Variants in ARMC8 observed in about 807,000 individuals in gnomAD.
ARMC8 encodes the protein armadillo repeat containing 8, also known as armadillo repeat-containing protein 8.
A neutral mutation model predicts 99.3 loss-of-function variants in ARMC8; 20 were observed. The observed-to-expected ratio is 0.20, with a 90% CI of 0.14 to 0.29. The LOEUF (loss-of-function observed/expected upper bound fraction) is 0.29. ARMC8 is among the 10% of genes least tolerant of loss of function. The pLI, the probability that ARMC8 is intolerant of heterozygous loss-of-function variation, is 1.00. For missense variants in ARMC8, 569 were observed against 809.5 expected, an observed-to-expected ratio of 0.70 and a Z score of 3.60; for synonymous variants, 263 against 278.3, an observed-to-expected ratio of 0.95 and a Z score of 0.55.
At chr3:138,245,867 A>G in intron 12 of ARMC8, 1 of 985,580 alleles carries the variant, frequency 1.0e-6, no homozygotes, top group Non-Finnish European at 1.2e-6. Context: ...CAAACCAAAA[A>G]GCTGGAACTT....
intron 21 of ARMC8, among the ~76,000 whole-genome samples, chr3:138,292,580 TAGG>T (rs557727298): frequency 1.3e-5 from 2 of 152,192 alleles, no homozygotes; most frequent in South Asian, 4.2e-4. Flanking sequence ...GGAAAATGTC[TAGG>T]GTTTTAGCCT....
intron 1 of ARMC8, among the ~76,000 whole-genome samples, chr3:138,207,407 G>C (rs1358321213): frequency 6.6e-6 from 1 of 152,084 alleles, no homozygotes; most frequent in Non-Finnish European, 1.5e-5. Flanking sequence ...TTTCCTCAGT[G>C]CATGTTATAT....
intron 17 of ARMC8, among the ~76,000 whole-genome samples, chr3:138,273,826 T>TC (rs1256466192): frequency 6.6e-6 from 1 of 152,068 alleles, no homozygotes; most frequent in Non-Finnish European, 1.5e-5. Context: ...TCCCCCTTTT[T>TC]TTTTTTTTGA....
chr3:138,262,949 A>G (rs1370569235), intron 12 of ARMC8, among the ~76,000 whole-genome samples: 2 of 152,230 alleles, frequency 1.3e-5, no homozygotes, highest in Non-Finnish European at 2.9e-5. Context: ...AATAATGCCT[A>G]CAGAAGAGTG....
rs1391738170 is a variant in ARMC8, at chr3:138,246,760, A to G, written c.1134+1577A>G. ...ATATCATGTTCTAGAAATACCTGCAACATGACAGTCTAATCAGTAGTCTAT... is the reference window on the plus strand; with the variant it reads ...ATATCATGTTCTAGAAATACCTGCAGCATGACAGTCTAATCAGTAGTCTAT... On this transcript the variant is annotated intron_variant, in intron 12 of 21. Transcript: ENST00000469044. 7.1e-6 allele frequency: 7 copies of G among 985,284 alleles called. No individual in the cohort carries two copies. In the African/African-American group the frequency reaches 1.0e-4, roughly 15 times the overall value. 61.0% of individuals were successfully genotyped at this position (985,284 alleles called of 1,614,324 possible).
At chr3:138,205,273 TCTC>T (rs1379395308) in intron 1 of ARMC8, among the ~76,000 whole-genome samples, 1 of 151,536 alleles carries the variant, frequency 6.6e-6, no homozygotes, top group East Asian at 2.0e-4. Context: ...CTGGTCTCGA[TCTC>T]CTGACCTCGT....
At chr3:138,234,340 A>G (rs1366481768) in intron 6 of ARMC8, among the ~76,000 whole-genome samples, 2 of 152,126 alleles carry the variant, frequency 1.3e-5, no homozygotes, top group African/African-American at 2.4e-5. Context: ...TTGATCTCCC[A>G]ACCTCCTGAT....
At chr3:138,259,408 G>A (rs1261054822) in intron 12 of ARMC8, among the ~76,000 whole-genome samples, 2 of 152,150 alleles carry the variant, frequency 1.3e-5, no homozygotes, top group African/African-American at 4.8e-5. Context: ...TACACAGACG[G>A]TCTCCATGCC....
chr3:138,295,490 A>G (rs572892629), intron 21 of ARMC8, among the ~76,000 whole-genome samples: 1 of 152,210 alleles, frequency 6.6e-6, no homozygotes, highest in East Asian at 1.9e-4. Context: ...CTCACTGCAT[A>G]AAACCTACAT....
At chr3:138,204,738 A>T (rs956584533) in intron 1 of ARMC8, among the ~76,000 whole-genome samples, 1 of 152,100 alleles carries the variant, frequency 6.6e-6, no homozygotes, top group African/African-American at 2.4e-5. Flanking sequence ...GACATCCTGG[A>T]TTTCTTCACT....
intron 6 of ARMC8, among the ~76,000 whole-genome samples, chr3:138,230,830 A>G (rs754314203): frequency 6.6e-6 from 1 of 152,230 alleles, no homozygotes; most frequent in African/African-American, 2.4e-5. Context: ...AGTTACCTAA[A>G]TAGCTTTCAG....
rs115974593 is a variant in ARMC8 at position 138,206,873 on chromosome 3, G to A, written c.46-2944G>A. 8.1e-3 allele frequency among the ~76,000 whole-genome samples: 1,237 copies of A among 152,244 alleles called. 19 individuals are homozygous for A. Among genetic ancestry groups the A allele is most frequent in the African/African-American group, 0.028 (1,156 of 41,514 alleles). ...GAGCAACTTATATGATTATTTTTGC[G>A]TATACATAACAATTTCAGATACTAA... On this transcript the variant is annotated intron_variant, in intron 1 of 21. Coordinates refer to ENST00000469044, the MANE Select transcript of ARMC8 (RefSeq NM_001363941.2).
At chr3:138,238,758 G>A (rs2046459621) in intron 9 of ARMC8, 1 of 152,116 alleles carries the variant, frequency 6.6e-6, no homozygotes, top group South Asian at 2.1e-4. Flanking sequence ...ATAACTTTCG[G>A]TAGAAGCCAA....
At chr3:138,291,543 CT>C (rs1265320229) in intron 21 of ARMC8, among the ~76,000 whole-genome samples, 1 of 152,170 alleles carries the variant, frequency 6.6e-6, no homozygotes, top group Non-Finnish European at 1.5e-5. Flanking sequence ...CCTCGTGTAA[CT>C]TACATTCTAG....
At chr3:138,203,002 T>TCC (rs2044164648) in intron 1 of ARMC8, among the ~76,000 whole-genome samples, 1 of 152,172 alleles carries the variant, frequency 6.6e-6, no homozygotes, top group African/African-American at 2.4e-5. Flanking sequence ...TTCACCATAG[T>TCC]CATGGGTAGT....
At chr3:138,287,574 A>G (rs1295312647) in intron 19 of ARMC8, 1 of 455,000 alleles carries the variant, frequency 2.2e-6, no homozygotes, top group Non-Finnish European at 4.4e-6. Context: ...TATTCAACAA[A>G]TATTGATTGA....
chr3:138,295,014 T>C (rs749381994), intron 21 of ARMC8, among the ~76,000 whole-genome samples: 3 of 151,978 alleles, frequency 2.0e-5, no homozygotes, highest in Non-Finnish European at 4.4e-5. Flanking sequence ...TTCTCCTGGC[T>C]CAGCCTCCGA....
At position 138,225,186 on chromosome 3, in the gene ARMC8, A is replaced by C. The variant is rs1258357031; in HGVS notation, c.435+1453A>C. On this transcript the variant is annotated intron_variant, in intron 5 of 21. Transcript: ENST00000469044. The stretch of plus-strand genomic sequence containing the variant: ...GCAGTGGAGGAATCTCGGCCCTGCA[A>C]CCTCCGCCTCCTGAGTTCAAGCAAT... 2.0e-5 allele frequency among the ~76,000 whole-genome samples: 3 copies of C among 148,612 alleles called. No individual in the cohort carries two copies. The East Asian group carries it at 5.9e-4, about 29-fold the overall frequency.
intron 11 of ARMC8, 97 bp from the exon 12 acceptor site, chr3:138,244,991 C>A (rs2046816007): frequency 7.0e-7 from 1 of 1,436,692 alleles, no homozygotes; most frequent in African/African-American, 1.4e-5. Context: ...TCACTAAAAT[C>A]TAAAAGTTGT....
Sources: gnomAD v4.1 joint callset for allele counts (sites outside exome capture counted in the v4.1 genomes callset) on GRCh38, gnomAD v4.1.1 for gene constraint, MANE v1.5 for transcripts, NCBI Gene and HGNC (gene_info 2026-07-23, HGNC 2026-07-21) for gene names.